The following FBLN2 variants were observed in gnomAD, a reference collection of about 807,000 sequenced individuals.
FBLN2 encodes the protein fibulin 2, also known as fibulin-2.
FBLN2 carries 81 observed loss-of-function variants against 123.7 expected under a neutral mutation model. The observed-to-expected ratio is 0.65, with a 90% CI of 0.55 to 0.79. The LOEUF (loss-of-function observed/expected upper bound fraction) is 0.79. Ranked by LOEUF, FBLN2 falls within the 30% of genes least tolerant of loss-of-function variation. FBLN2 has a pLI of 0.00. For synonymous variants in FBLN2, 699 were observed against 701.4 expected, an observed-to-expected ratio of 1.00 and a Z score of 0.05; for missense variants, 1,603 against 1,681.3, an observed-to-expected ratio of 0.95 and a Z score of 0.81.
chr3:13,579,606 T>C (rs1704257957), intron 2 of FBLN2, among the ~76,000 whole-genome samples: 1 of 152,258 alleles, frequency 6.6e-6, no homozygotes, highest in Admixed American at 6.5e-5. Context: ...AGCTTTTCCC[T>C]GTCACTGCAT....
In FBLN2 at chr3:13,621,747, CT is replaced by C. The variant is rs1250561075; in HGVS notation, c.2156-27del. 5.0e-6 allele frequency: 8 copies of C among 1,613,116 alleles called. No individual in the cohort carries two copies. The South Asian group carries it at 8.8e-5, about 18-fold the overall frequency. ...AGCCCATGTCCCTCTAACAGTCCTTCTGTTTTTCCTCCTGCGGCTGCCACTA... is the reference window on the plus strand; with the variant it reads ...AGCCCATGTCCCTCTAACAGTCCTTCGTTTTTCCTCCTGCGGCTGCCACTA... On this transcript the variant is annotated intron_variant, in intron 8 of 17. Transcript: ENST00000404922.
intron 10 of FBLN2, 104 bp from the exon 11 acceptor site, chr3:13,627,728 C>G: frequency 7.3e-7 from 1 of 1,374,932 alleles, no homozygotes; most frequent in African/African-American, 1.5e-5. Context: ...ATCTTTGTGG[C>G]CATCAGGGTC....
At chr3:13,557,446 G>C (rs1199797868) in intron 1 of FBLN2, among the ~76,000 whole-genome samples, 1 of 152,236 alleles carries the variant, frequency 6.6e-6, no homozygotes, top group Admixed American at 6.5e-5. Flanking sequence ...AAAAATACAG[G>C]GTGTAGCTTC....
intron 4 of FBLN2, among the ~76,000 whole-genome samples, chr3:13,613,629 G>A (rs1408817567): frequency 1.3e-5 from 2 of 152,138 alleles, no homozygotes; most frequent in Non-Finnish European, 2.9e-5. Context: ...CCTCCTGAAG[G>A]CTCCGCTGAG....
intron 2 of FBLN2, among the ~76,000 whole-genome samples, chr3:13,588,030 T>TG (rs1383497660): frequency 6.6e-6 from 1 of 152,266 alleles, no homozygotes; most frequent in African/African-American, 2.4e-5. Flanking sequence ...GTCTTGGGCA[T>TG]GTATCCTCAA....
chr3:13,594,881 G>T (rs1277539643), intron 2 of FBLN2, among the ~76,000 whole-genome samples: 1 of 152,202 alleles, frequency 6.6e-6, no homozygotes, highest in East Asian at 1.9e-4. Flanking sequence ...GGAGGGCCTT[G>T]CTTCCCTTGG....
chr3:13,608,112 G>A lies in FBLN2; in HGVS notation c.1357G>A (p.Ala453Thr). The A allele has an allele frequency of 6.3e-7, 1 of 1,598,382 alleles. No individual in the cohort carries two copies. The highest frequency in any genetic ancestry group is 8.5e-7 in the Non-Finnish European group (1 of 1,172,664). The change falls in exon 3 of 18, where the codon GCC (alanine) becomes ACC (threonine). Residue 453 changes from alanine (A) to threonine (T), a missense_variant. Transcript: ENST00000404922. The stretch of plus-strand genomic sequence containing the variant: ...TTGCTGCGCAGCCGGACAGCAGTGG[G>A]CCATTGACAATGACGAGTGCCTGGA... The part of the protein sequence containing the change: ...ETCCAAGQQW[A>T]IDNDECLEIP...
At chr3:13,590,951 A>T (rs1574965681) in intron 2 of FBLN2, among the ~76,000 whole-genome samples, 1 of 152,198 alleles carries the variant, frequency 6.6e-6, no homozygotes. Context: ...GCTGCATCAA[A>T]GGTTATGTTT....
chr3:13,612,482 G>A (rs561532355), intron 4 of FBLN2, among the ~76,000 whole-genome samples: 14 of 151,846 alleles, frequency 9.2e-5, no homozygotes, highest in Admixed American at 3.9e-4. Flanking sequence ...CCAGGTTCAT[G>A]CCATTCTCCT....
Position 13,571,313 on chromosome 3 carries a change from CAGG to C in FBLN2, c.964_966del (p.Glu322del). ...CCCAGCTGGACCCAGTCTTCCTATC[CAGG>C]AGGAGAGGGCAGAAGCTGGGGCAAG... On this transcript the variant is annotated inframe_deletion, in exon 2 of 18. Coordinates refer to ENST00000404922, the MANE Select transcript of FBLN2 (RefSeq NM_001004019.2). 6.3e-7 allele frequency: 1 copy of C among 1,597,998 alleles called. No homozygotes were observed. The highest frequency in any genetic ancestry group is 8.5e-7 in the Non-Finnish European group (1 of 1,172,826).
At chr3:13,608,996 G>A (rs1003875598) in intron 3 of FBLN2, among the ~76,000 whole-genome samples, 1 of 152,240 alleles carries the variant, frequency 6.6e-6, no homozygotes, top group African/African-American at 2.4e-5. Flanking sequence ...GGGGCTAAGC[G>A]GTCCTAGTGC....
intron 4 of FBLN2, among the ~76,000 whole-genome samples, chr3:13,609,949 A>G (rs1705335207): frequency 6.6e-6 from 1 of 152,218 alleles, no homozygotes. Flanking sequence ...GGCCAGGAAG[A>G]CAGAGGAAGA....
At chr3:13,608,198 C>G in intron 3 of FBLN2, 25 bp downstream of exon 3, 1 of 1,521,662 alleles carries the variant, frequency 6.6e-7, no homozygotes, top group Non-Finnish European at 8.9e-7. Context: ...CTGGAGCAGG[C>G]GGAGCTGCCC....
At chr3:13,613,093 G>T (rs1245635921) in intron 4 of FBLN2, among the ~76,000 whole-genome samples, 1 of 149,464 alleles carries the variant, frequency 6.7e-6, no homozygotes, top group Non-Finnish European at 1.5e-5. Flanking sequence ...TCAACCCCCA[G>T]CAGGCTAGCA....
chr3:13,570,294 C>T, intron 1 of FBLN2, 21 bp from the exon 2 acceptor site: 2 of 1,459,152 alleles, frequency 1.4e-6, no homozygotes, highest in Non-Finnish European at 1.8e-6. Context: ...TACTGACAGG[C>T]TTCCTTTCTG....
At chr3:13,590,677 G>A (rs982019829) in intron 2 of FBLN2, among the ~76,000 whole-genome samples, 2 of 152,202 alleles carry the variant, frequency 1.3e-5, no homozygotes, top group Non-Finnish European at 2.9e-5. Flanking sequence ...AACATACAGC[G>A]TGATCTTGCT....
At chr3:13,627,733 A>G in intron 10 of FBLN2, 99 bp from the exon 11 acceptor site, 1 of 1,404,452 alleles carries the variant, frequency 7.1e-7, no homozygotes, top group South Asian at 1.5e-5. Context: ...TGTGGCCATC[A>G]GGGTCATGGG....
chr3:13,582,349 T>C (rs1260453477), intron 2 of FBLN2, among the ~76,000 whole-genome samples: 1 of 152,228 alleles, frequency 6.6e-6, no homozygotes, highest in Admixed American at 6.5e-5. Context: ...GTTCAGGATC[T>C]GTGCTGCGAG....
At chr3:13,560,911 T>G (rs572490361) in intron 1 of FBLN2, among the ~76,000 whole-genome samples, 2 of 152,112 alleles carry the variant, frequency 1.3e-5, no homozygotes, top group African/African-American at 4.8e-5. Context: ...ACTCCTGGGC[T>G]CCAGTAATCC....
Sources: gnomAD v4.1 joint callset for allele counts (sites outside exome capture counted in the v4.1 genomes callset) on GRCh38, gnomAD v4.1.1 for gene constraint, MANE v1.5 for transcripts, NCBI Gene and HGNC (gene_info 2026-07-23, HGNC 2026-07-21) for gene names.